The following CYP2C8 variants were observed in gnomAD, a reference collection of about 807,000 sequenced individuals.
The protein encoded by CYP2C8 is cytochrome P450 2C8.
In CYP2C8, 51 loss-of-function variants were observed where a neutral mutation model predicts 41.3. That is an observed-to-expected ratio of 1.24 (90% CI 0.99 to 1.56). CYP2C8 has a LOEUF of 1.56. Ranked by LOEUF, CYP2C8 falls within the 40% of genes most tolerant of loss-of-function variation. The pLI, the probability that CYP2C8 is intolerant of heterozygous loss-of-function variation, is 0.00. For missense variants in CYP2C8, 651 were observed against 579.9 expected (o/e 1.12, Z -1.26); for synonymous variants, 218 against 205.8 (o/e 1.06, Z -0.51).
chr10:95,061,055 G>C (rs1039497479), intron 4 of CYP2C8, among the ~76,000 whole-genome samples: 1 of 152,178 alleles, frequency 6.6e-6, no homozygotes, highest in Non-Finnish European at 1.5e-5. Context: ...GTAATTTATT[G>C]AGGATTCTTG....
intron 1 of CYP2C8, 87 bp downstream of exon 1, chr10:95,069,148 G>T: frequency 7.1e-7 from 1 of 1,402,898 alleles, no homozygotes; most frequent in Non-Finnish European, 1.0e-6. Flanking sequence ...TTATAATAGT[G>T]TGCTTCCAGG....
intron 1 of CYP2C8, among the ~76,000 whole-genome samples, chr10:95,068,125 T>C (rs1211254070): frequency 6.6e-6 from 1 of 152,208 alleles, no homozygotes; most frequent in African/African-American, 2.4e-5. Flanking sequence ...ACTACCCAGC[T>C]AAAGACTTCA....
In CYP2C8 at chr10:95,058,464, G is replaced by T. The variant is rs754999950; in HGVS notation, c.690C>A (p.His230Gln). The T allele has an allele frequency of 1.1e-5, 17 of 1,613,088 alleles. No individual in the cohort carries two copies. The highest frequency in any genetic ancestry group is 4.0e-5 in the African/African-American group (3 of 74,854). Reference sequence around the variant, plus strand: ...GAGCAACATTTTTAAGCACTTTGTTGTGAGTTCCTGGGAAACAATCAATGA... The same window carrying T: ...GAGCAACATTTTTAAGCACTTTGTTTTGAGTTCCTGGGAAACAATCAATGA... ...PLLIDCFPGT[H>Q]NKVLKNVALT... Residue 230 changes from histidine (H) to glutamine (Q), a missense_variant, in exon 5 of 9, where the codon CAC becomes CAA. Transcript: ENST00000371270.
chr10:95,041,182 G>T (rs889395312), intron 7 of CYP2C8, among the ~76,000 whole-genome samples: 1 of 152,058 alleles, frequency 6.6e-6, no homozygotes, highest in Non-Finnish European at 1.5e-5. Flanking sequence ...ATAAAAATGA[G>T]AGAAGAGAAA....
intron 3 of CYP2C8, among the ~76,000 whole-genome samples, chr10:95,065,861 A>G (rs2033549587): frequency 6.6e-6 from 1 of 152,164 alleles, no homozygotes; most frequent in African/African-American, 2.4e-5. Context: ...TCGGTGAAGG[A>G]ATCTCTAAAA....
intron 7 of CYP2C8, among the ~76,000 whole-genome samples, chr10:95,040,582 T>C (rs566463010): frequency 1.8e-4 from 28 of 152,270 alleles, no homozygotes; most frequent in Non-Finnish European, 3.5e-4. Flanking sequence ...AAGACCAAAA[T>C]TGGCCTCCAG....
At chr10:95,061,988 C>G (rs144774833) in intron 4 of CYP2C8, among the ~76,000 whole-genome samples, 1 of 152,132 alleles carries the variant, frequency 6.6e-6, no homozygotes, top group Non-Finnish European at 1.5e-5. Context: ...AGTTTGATTG[C>G]GCTGTGGTCT....
At chr10:95,043,252 C>A (rs1393213716) in intron 6 of CYP2C8, among the ~76,000 whole-genome samples, 175 bp from the exon 7 acceptor site, 1 of 152,104 alleles carries the variant, frequency 6.6e-6, no homozygotes. Context: ...AGATACATAC[C>A]ACTCTCCTAC....
intron 5 of CYP2C8, among the ~76,000 whole-genome samples, chr10:95,053,038 AAC>A (rs1491096074): frequency 2.3e-5 from 3 of 128,744 alleles, no homozygotes; most frequent in Admixed American, 7.4e-5. Flanking sequence ...TATTTAAAAA[AAC>A]ATAAAGACTC....
Position 95,067,209 on chromosome 10 carries a change from C to T in CYP2C8, c.480G>A (p.Lys160=), listed in dbSNP as rs11572081. 13,983 of 1,613,980 alleles carry T rather than the reference C, an allele frequency of 8.7e-3. 1,023 individuals carry two copies. The African/African-American group carries it at 0.16, about 18-fold the overall frequency. ...ATGACGCAGAGTAGAGTCACCCACC[C>T]TTGGTTTTTCTCAACTCCTCCACAA... is the stretch of plus-strand genomic sequence containing the variant. The part of the protein sequence containing the change: ...HCLVEELRKT[K]ASPCDPTFIL... The change falls in exon 3 of 9, where the codon AAG becomes AAA. Residue 160 remains lysine, a splice_region_variant and synonymous_variant. Transcript: ENST00000371270.
In CYP2C8 at chr10:95,055,614, A is replaced by C. The variant is rs150025414; in HGVS notation, c.819+2721T>G. On this transcript the variant is annotated intron_variant, in intron 5 of 8. Transcript: ENST00000371270. ...CAAAACAACTAAAATAAGAGAGATA[A>C]ACTGGGCCTCACCAAATTAAAATGT... is the stretch of plus-strand genomic sequence containing the variant. Among the ~76,000 whole-genome samples, 436 of 152,336 alleles carry C rather than the reference A, an allele frequency of 2.9e-3. 3 individuals carry two copies. The highest frequency in any genetic ancestry group is 9.9e-3 in the African/African-American group (411 of 41,574).
At chr10:95,065,716 T>C (rs962759794) in intron 3 of CYP2C8, among the ~76,000 whole-genome samples, 1 of 152,228 alleles carries the variant, frequency 6.6e-6, no homozygotes, top group Non-Finnish European at 1.5e-5. Flanking sequence ...TGGGCAAAAC[T>C]ACTCTTGTGG....
In CYP2C8 at chr10:95,069,224, G is replaced by C. The variant is rs1257597951; in HGVS notation, c.168+11C>G. The C allele has an allele frequency of 6.2e-7, 1 of 1,613,940 alleles. No homozygotes were observed. The highest frequency in any genetic ancestry group is 8.5e-7 in the Non-Finnish European group (1 of 1,179,970). ...TTTGCAATTGGCTGGAGGAACATAA[G>C]GCAGACTTACATTGGTGAAAGATTT... On this transcript the variant is annotated intron_variant, in intron 1 of 8. Transcript: ENST00000371270.
At position 95,067,373 on chromosome 10, in the gene CYP2C8, G is replaced by A. The variant is rs1224039427; in HGVS notation, c.332-16C>T. The A allele has an allele frequency of 9.3e-6, 15 of 1,614,132 alleles. No individual in the cohort carries two copies. Among genetic ancestry groups the A allele is most frequent in the Non-Finnish European group, 1.2e-5 (14 of 1,180,028 alleles). ...GAAATGATTCCTAATAAAAAAAGGG[G>A]CAGAAACTGGGAGAATTCACAGCCA... On this transcript the variant is annotated splice_polypyrimidine_tract_variant and intron_variant, in intron 2 of 8. Transcript: ENST00000371270.
At chr10:95,059,796 G>A (rs1185010917) in intron 4 of CYP2C8, among the ~76,000 whole-genome samples, 3 of 152,024 alleles carry the variant, frequency 2.0e-5, no homozygotes, top group South Asian at 2.1e-4. Flanking sequence ...TTAAGTCTTT[G>A]ATCCATCTTG....
At chr10:95,067,123 T>C in intron 3 of CYP2C8, 85 bp downstream of exon 3, 1 of 1,594,558 alleles carries the variant, frequency 6.3e-7, no homozygotes, top group East Asian at 2.2e-5. Context: ...AATGAAGACC[T>C]GGCCACCCCT....
chr10:95,060,823 T>C (rs1444045507), intron 4 of CYP2C8, among the ~76,000 whole-genome samples: 1 of 152,238 alleles, frequency 6.6e-6, no homozygotes, highest in Non-Finnish European at 1.5e-5. Flanking sequence ...GTCCCATCAA[T>C]ACCTAATTTA....
At chr10:95,056,234 CA>C (rs1353450238) in intron 5 of CYP2C8, among the ~76,000 whole-genome samples, 1 of 151,996 alleles carries the variant, frequency 6.6e-6, no homozygotes, top group Non-Finnish European at 1.5e-5. Context: ...TGCACTGACA[CA>C]AAAAACAGAA....
At chr10:95,065,766 T>A (rs1032452314) in intron 3 of CYP2C8, among the ~76,000 whole-genome samples, 1 of 152,224 alleles carries the variant, frequency 6.6e-6, no homozygotes, top group Non-Finnish European at 1.5e-5. Flanking sequence ...AAGATAAGTA[T>A]GTTTTAATAA....
Sources: allele counts gnomAD v4.1 joint callset (sites outside exome capture counted in the v4.1 genomes callset), GRCh38; gene constraint gnomAD v4.1.1; transcripts MANE v1.5; gene names NCBI Gene and HGNC (gene_info 2026-07-23, HGNC 2026-07-21).